SLC35E3: variants seen among roughly 807,000 people sequenced by gnomAD.
SLC35E3 encodes the protein solute carrier family 35 member E3.
Under a neutral mutation model 30.8 loss-of-function variants are expected in SLC35E3, and 28 were observed. The ratio of observed to expected loss-of-function variants is 0.91; its 90% CI spans 0.67 to 1.25. The LOEUF (loss-of-function observed/expected upper bound fraction) is 1.25, where lower values mean the gene tolerates loss of function less well. Ranked by LOEUF, SLC35E3 falls within the 50% of genes most tolerant of loss-of-function variation. SLC35E3 has a pLI of 0.00. For synonymous variants in SLC35E3, 146 were observed against 149.2 expected (o/e 0.98, Z 0.16); for missense variants, 365 against 375.4 (o/e 0.97, Z 0.23).
At chr12:68,752,640 C>T (rs1472205123) in intron 3 of SLC35E3, among the ~76,000 whole-genome samples, 1 of 151,546 alleles carries the variant, frequency 6.6e-6, no homozygotes, top group African/African-American at 2.4e-5. Context: ...GGAGGATGAG[C>T]TGGGCAGATC....
chr12:68,759,021 G>A (rs371328545), intron 3 of SLC35E3, 136 bp from the exon 4 acceptor site: 133 of 670,906 alleles, frequency 2.0e-4, no homozygotes, highest in South Asian at 1.7e-3. Context: ...GAGCCACCGC[G>A]CCCGGCCCTC....
chr12:68,759,174 T>C lies in SLC35E3; in HGVS notation c.690T>C (p.Ser230=), dbSNP rs1240538255. The C allele has an allele frequency of 6.2e-7, 1 of 1,612,420 alleles. No individual in the cohort carries two copies. Among genetic ancestry groups the C allele is most frequent in the Non-Finnish European group, 8.5e-7 (1 of 1,178,740 alleles). Residue 230 remains serine (S), a synonymous_variant, in exon 4 of 5, where the codon TCT becomes TCC. Coordinates refer to ENST00000398004, the MANE Select transcript of SLC35E3 (RefSeq NM_018656.5). The part of the protein sequence containing the change: ...SVSALLMVLL[S]GVIAFMVNLS... The stretch of plus-strand genomic sequence containing the variant: ...ATTTGTAGCTTATGGTGCTGCTATC[T>C]GGAGTAATAGCTTTCATGGTGAACT...
chr12:68,763,227 G>T (rs775455985), intron 4 of SLC35E3, among the ~76,000 whole-genome samples: 1 of 152,128 alleles, frequency 6.6e-6, no homozygotes, highest in East Asian at 1.9e-4. Flanking sequence ...CTTTTATATA[G>T]TGAGGAAACT....
At chr12:68,751,360 C>T (rs1488396292) in intron 2 of SLC35E3, among the ~76,000 whole-genome samples, 1 of 150,920 alleles carries the variant, frequency 6.6e-6, no homozygotes, top group African/African-American at 2.4e-5. Context: ...TGCAGTGGCG[C>T]GATCTCAGCT....
rs1879631942 is a variant in SLC35E3, at chr12:68,772,608, A to G, written c.*7718A>G. Reference sequence around the variant, plus strand: ...AATTTGGAAAGCAGCATATCACTCAAACTATAGTAATTCACATTTTTCCAT... The same window carrying G: ...AATTTGGAAAGCAGCATATCACTCAGACTATAGTAATTCACATTTTTCCAT... On this transcript the variant is annotated 3_prime_UTR_variant, in exon 5 of 5. Transcript: ENST00000398004. 6.6e-6 allele frequency: 1 copy of G among 152,154 alleles called. No homozygotes were observed. The highest frequency in any genetic ancestry group is 2.1e-4 in the South Asian group (1 of 4,826). The allele number at this position is 152,154 out of a possible 1,614,324, so 9.4% of individuals were successfully genotyped here. A position where few individuals can be genotyped will look rare whatever the true frequency, so the allele number is the denominator to read the frequency against.
intron 4 of SLC35E3, among the ~76,000 whole-genome samples, chr12:68,760,693 C>T (rs1231058069): frequency 6.6e-6 from 1 of 152,178 alleles, no homozygotes; most frequent in African/African-American, 2.4e-5. Flanking sequence ...TGAATACCCA[C>T]TAAACCAGTC....
chr12:68,761,718 A>G (rs1246011109), intron 4 of SLC35E3, among the ~76,000 whole-genome samples: 1 of 152,224 alleles, frequency 6.6e-6, no homozygotes, highest in Non-Finnish European at 1.5e-5. Context: ...TTTAGAAGTA[A>G]TAGTGGCTAC....
intron 4 of SLC35E3, among the ~76,000 whole-genome samples, chr12:68,763,420 G>T (rs562211463): frequency 1.3e-5 from 2 of 151,252 alleles, no homozygotes; most frequent in Admixed American, 1.3e-4. Flanking sequence ...ATGGAGTTTC[G>T]CTCTTGTTGC....
rs111535826 is a variant in SLC35E3, at chr12:68,767,387, C to T, written c.*2497C>T. The T allele has an allele frequency of 0.058, 8,765 of 152,074 alleles. 338 individuals carry two copies. Among genetic ancestry groups the T allele is most frequent in the Middle Eastern group, 0.12 (36 of 294 alleles). The allele number at this position is 152,074 out of a possible 1,614,324, so 9.4% of individuals were successfully genotyped here. ...CAAAAATTAGCCGGGCCTAGTGGCA[C>T]GTGCCTGTAGCTCCATCTACTCAGG... On this transcript the variant is annotated 3_prime_UTR_variant, in exon 5 of 5. Coordinates refer to ENST00000398004, the MANE Select transcript of SLC35E3 (RefSeq NM_018656.5).
intron 4 of SLC35E3, 136 bp downstream of exon 4, chr12:68,759,375 A>C (rs1879163670): frequency 4.5e-6 from 3 of 667,386 alleles, no homozygotes; most frequent in Non-Finnish European, 5.2e-6. Context: ...TTAGCCTTTT[A>C]CTGTATCTTT....
chr12:68,771,287 A>G lies in SLC35E3; in HGVS notation c.*6397A>G, dbSNP rs1227591815. ...AGACTCTATCTCAGAAAAAAAAAAA[A>G]AAGATGTTAATCAAATAATTAGTTT... On this transcript the variant is annotated 3_prime_UTR_variant, in exon 5 of 5. Coordinates refer to ENST00000398004, the MANE Select transcript of SLC35E3 (RefSeq NM_018656.5). The G allele has an allele frequency of 1.3e-5, 2 of 152,070 alleles. No homozygotes were observed. Among genetic ancestry groups the G allele is most frequent in the African/African-American group, 4.8e-5 (2 of 41,402 alleles). 9.4% of individuals were successfully genotyped at this position (152,070 alleles called of 1,614,324 possible). A position where few individuals can be genotyped will look rare whatever the true frequency, so the allele number is the denominator to read the frequency against.
At chr12:68,756,963 C>T (rs531643958) in intron 3 of SLC35E3, among the ~76,000 whole-genome samples, 18 of 152,212 alleles carry the variant, frequency 1.2e-4, no homozygotes, top group South Asian at 4.2e-4. Flanking sequence ...TGCAGTGAGC[C>T]GAGATCGTGC....
At chr12:68,762,316 G>C (rs1266391966) in intron 4 of SLC35E3, among the ~76,000 whole-genome samples, 1 of 152,154 alleles carries the variant, frequency 6.6e-6, no homozygotes, top group Non-Finnish European at 1.5e-5. Flanking sequence ...GGAATTCAGA[G>C]AGATGAGAAA....
chr12:68,757,009 CAAAT>C (rs888116781), intron 3 of SLC35E3, among the ~76,000 whole-genome samples: 5 of 151,966 alleles, frequency 3.3e-5, no homozygotes. Flanking sequence ...AGTGAGACTC[CAAAT>C]AAATAAATAA....
chr12:68,772,087 G>C lies in SLC35E3; in HGVS notation c.*7197G>C, dbSNP rs1213475255. ...AGAGTTTCCTCTGTCTCCCAGGCTTGGTTGTTGTGGCTCAATCTCAGTTCA... is the reference window on the plus strand; with the variant it reads ...AGAGTTTCCTCTGTCTCCCAGGCTTCGTTGTTGTGGCTCAATCTCAGTTCA... On this transcript the variant is annotated 3_prime_UTR_variant, in exon 5 of 5. Coordinates refer to ENST00000398004, the MANE Select transcript of SLC35E3 (RefSeq NM_018656.5). The C allele has an allele frequency of 1.3e-5, 2 of 151,518 alleles. No homozygotes were observed. Among genetic ancestry groups the C allele is most frequent in the East Asian group, 1.9e-4 (1 of 5,178 alleles). 9.4% of individuals were successfully genotyped at this position (151,518 alleles called of 1,614,324 possible).
In SLC35E3 at chr12:68,771,355, A is replaced by G. The variant is rs992402536; in HGVS notation, c.*6465A>G. 6.6e-6 allele frequency: 1 copy of G among 152,174 alleles called. No individual in the cohort carries two copies. Among genetic ancestry groups the G allele is most frequent in the Non-Finnish European group, 1.5e-5 (1 of 68,048 alleles). 9.4% of individuals were successfully genotyped at this position (152,174 alleles called of 1,614,324 possible). On this transcript the variant is annotated 3_prime_UTR_variant, in exon 5 of 5. Coordinates refer to ENST00000398004, the MANE Select transcript of SLC35E3 (RefSeq NM_018656.5). ...AGGAAAATGTTTAGTTGAGGTGGAG[A>G]TAAAACAGGAGTTTCTGGGGTATGC...
In SLC35E3 at chr12:68,766,325, A is replaced by G. The variant is rs936579997; in HGVS notation, c.*1435A>G. Reference sequence around the variant, plus strand: ...AACATGGAGGAATCCCGTCTCTACTAAAAATACAAAATTAGCCAGGCATGG... The same window carrying G: ...AACATGGAGGAATCCCGTCTCTACTGAAAATACAAAATTAGCCAGGCATGG... On this transcript the variant is annotated 3_prime_UTR_variant, in exon 5 of 5. Coordinates refer to ENST00000398004, the MANE Select transcript of SLC35E3 (RefSeq NM_018656.5). 2 of 152,224 alleles carry G rather than the reference A, an allele frequency of 1.3e-5. No individual in the cohort carries two copies. Among genetic ancestry groups the G allele is most frequent in the East Asian group, 1.9e-4 (1 of 5,140 alleles). 9.4% of individuals were successfully genotyped at this position (152,224 alleles called of 1,614,324 possible).
rs1206974375 is a variant in SLC35E3, at chr12:68,747,808, T to C, written c.403-122T>C. 14 of 555,390 alleles carry C rather than the reference T, an allele frequency of 2.5e-5. No individual in the cohort carries two copies. The East Asian group carries it at 4.1e-4, about 16-fold the overall frequency. The allele number at this position is 555,390 out of a possible 1,614,324, so 34.4% of individuals were successfully genotyped here. On this transcript the variant is annotated intron_variant, in intron 1 of 4. Transcript: ENST00000398004. ...CCCAAGTCAAAACAGAAAACATTTA[T>C]ACAGGTTCATTGTTTCCCAGTTATG...
chr12:68,761,538 C>G (rs1300339201), intron 4 of SLC35E3, among the ~76,000 whole-genome samples: 6 of 152,134 alleles, frequency 3.9e-5, no homozygotes, highest in Admixed American at 6.5e-5. Context: ...AGGATGTTTT[C>G]AGCAGGCCTG....
Sources: allele counts gnomAD v4.1 joint callset (sites outside exome capture counted in the v4.1 genomes callset), GRCh38; gene constraint gnomAD v4.1.1; transcripts MANE v1.5; gene names NCBI Gene and HGNC (gene_info 2026-07-23, HGNC 2026-07-21).